Variants in SPOCK1 observed in about 807,000 individuals in gnomAD.
SPOCK1 encodes SPARC (osteonectin), cwcv and kazal like domains proteoglycan 1.
A neutral mutation model predicts 55.3 loss-of-function variants in SPOCK1; 23 were observed. The ratio of observed to expected loss-of-function variants is 0.42; its 90% CI spans 0.30 to 0.59. The LOEUF (loss-of-function observed/expected upper bound fraction) is 0.59, where lower values mean the gene tolerates loss of function less well. Among genes scored for constraint, SPOCK1 ranks in the 20% least tolerant of loss-of-function variants. The probability of loss-of-function intolerance (pLI) is 0.22; values close to 1 mark genes in which losing one functional copy is unlikely to be tolerated. For synonymous variants in SPOCK1, 226 were observed against 221.0 expected (o/e 1.02, Z -0.20); for missense variants, 499 against 552.5 (o/e 0.90, Z 0.97).
chr5:137,359,659 T>C (rs780942895), intron 2 of SPOCK1, among the ~76,000 whole-genome samples: 1 of 152,192 alleles, frequency 6.6e-6, no homozygotes, highest in Non-Finnish European at 1.5e-5. Context: ...GAAAAGTCAT[T>C]TTTACTTTTT....
intron 8 of SPOCK1, among the ~76,000 whole-genome samples, chr5:136,987,749 C>T (rs1750871330): frequency 6.6e-6 from 1 of 151,770 alleles, no homozygotes; most frequent in East Asian, 1.9e-4. Context: ...CCGATGTGGG[C>T]CTGTCTCTTC....
chr5:137,167,912 AAGAAT>A (rs1754679289), intron 3 of SPOCK1, among the ~76,000 whole-genome samples: 2 of 152,220 alleles, frequency 1.3e-5, no homozygotes, highest in South Asian at 4.1e-4. Context: ...ATGCATCTTA[AAGAAT>A]TACAAAAGCA....
chr5:137,420,034 T>G (rs1052251338), intron 2 of SPOCK1, among the ~76,000 whole-genome samples: 3 of 152,342 alleles, frequency 2.0e-5, no homozygotes, highest in Admixed American at 6.5e-5. Flanking sequence ...AAAGGCCTTT[T>G]CTGCATCTAT....
intron 6 of SPOCK1, among the ~76,000 whole-genome samples, chr5:137,049,257 C>G (rs1463874886): frequency 9.1e-6 from 1 of 109,980 alleles, no homozygotes; most frequent in Non-Finnish European, 1.9e-5. Flanking sequence ...GTTCCATTCT[C>G]CACATCACTT....
At chr5:137,498,866 C>T (rs1208749755) in intron 1 of SPOCK1, among the ~76,000 whole-genome samples, 1 of 151,754 alleles carries the variant, frequency 6.6e-6, no homozygotes, top group Admixed American at 6.6e-5. Flanking sequence ...TGGTACCCCT[C>T]CCCAGAAGCG....
At chr5:137,226,916 A>G (rs1755957835) in intron 3 of SPOCK1, among the ~76,000 whole-genome samples, 1 of 152,138 alleles carries the variant, frequency 6.6e-6, no homozygotes, top group African/African-American at 2.4e-5. Context: ...TAAAGTACCT[A>G]ATAAAAAATG....
chr5:137,223,271 A>C (rs1028780044), intron 3 of SPOCK1, among the ~76,000 whole-genome samples: 3 of 152,030 alleles, frequency 2.0e-5, no homozygotes, highest in Non-Finnish European at 4.4e-5. Context: ...TAGCCCCTAT[A>C]ATCCAAGGCA....
At chr5:137,388,733 G>A (rs1017789180) in intron 2 of SPOCK1, among the ~76,000 whole-genome samples, 7 of 152,158 alleles carry the variant, frequency 4.6e-5, no homozygotes, top group Non-Finnish European at 8.8e-5. Context: ...AGCTTTTAGC[G>A]CCTCTGCCAG....
intron 2 of SPOCK1, among the ~76,000 whole-genome samples, chr5:137,331,610 GCAGGAATAGGCATGT>G (rs1758184494): frequency 6.6e-6 from 1 of 152,166 alleles, no homozygotes; most frequent in African/African-American, 2.4e-5. Flanking sequence ...GGAAGATGAG[GCAGGAATAGGCATGT>G]CACATGGTGA....
At chr5:137,443,839 C>A (rs1337855732) in intron 2 of SPOCK1, among the ~76,000 whole-genome samples, 2 of 152,194 alleles carry the variant, frequency 1.3e-5, no homozygotes, top group Non-Finnish European at 2.9e-5. Flanking sequence ...CTCTCCCCTG[C>A]CTCCTGAATC....
At chr5:137,033,161 C>T (rs555523233) in intron 6 of SPOCK1, among the ~76,000 whole-genome samples, 2 of 152,278 alleles carry the variant, frequency 1.3e-5, no homozygotes, top group Admixed American at 1.3e-4. Flanking sequence ...TCCCTCGTGG[C>T]GGCCGAAGGC....
At chr5:137,352,533 G>C (rs1750705456) in intron 2 of SPOCK1, among the ~76,000 whole-genome samples, 1 of 152,172 alleles carries the variant, frequency 6.6e-6, no homozygotes, top group South Asian at 2.1e-4. Context: ...TCCCTGGAAG[G>C]ATTAAACCAC....
intron 6 of SPOCK1, among the ~76,000 whole-genome samples, chr5:137,014,936 C>A (rs532811702): frequency 6.6e-6 from 1 of 152,194 alleles, no homozygotes; most frequent in Non-Finnish European, 1.5e-5. Context: ...AGACAAAGGT[C>A]AAGCCCATTT....
At chr5:137,176,930 C>A (rs1330763285) in intron 3 of SPOCK1, among the ~76,000 whole-genome samples, 21 of 152,136 alleles carry the variant, frequency 1.4e-4, no homozygotes, top group Admixed American at 1.4e-3. Flanking sequence ...GTGACTAGGT[C>A]TGAGTACATA....
chr5:137,137,483 C>G (rs73297891), intron 4 of SPOCK1, among the ~76,000 whole-genome samples: 29,006 of 152,122 alleles, frequency 0.19, 2,955 homozygotes, highest in East Asian at 0.35. Context: ...AAGAGGAAGA[C>G]AAGGAAGGCT....
At chr5:137,309,157 T>A (rs1339438508) in intron 2 of SPOCK1, among the ~76,000 whole-genome samples, 2 of 152,196 alleles carry the variant, frequency 1.3e-5, no homozygotes, top group Non-Finnish European at 2.9e-5. Flanking sequence ...AGATCTTCAG[T>A]GTGAAGTGAA....
chr5:137,200,282 A>C (rs575207892), intron 3 of SPOCK1, among the ~76,000 whole-genome samples: 2 of 152,048 alleles, frequency 1.3e-5, no homozygotes, highest in African/African-American at 4.8e-5. Flanking sequence ...CTGCCTCCTC[A>C]CTTCATTCTA....
chr5:137,482,010 T>A (rs1242302111), intron 2 of SPOCK1, among the ~76,000 whole-genome samples: 1 of 151,956 alleles, frequency 6.6e-6, no homozygotes, highest in African/African-American at 2.4e-5. Flanking sequence ...CTCCTACCCA[T>A]GCCTAAGACA....
intron 2 of SPOCK1, among the ~76,000 whole-genome samples, chr5:137,404,333 A>G (rs1187758035): frequency 1.3e-5 from 2 of 152,202 alleles, no homozygotes; most frequent in African/African-American, 4.8e-5. Flanking sequence ...GAATCAGGCA[A>G]TCCAGATGTA....
Sources: gnomAD v4.1 joint callset for allele counts (sites outside exome capture counted in the v4.1 genomes callset) on GRCh38, gnomAD v4.1.1 for gene constraint, MANE v1.5 for transcripts, NCBI Gene and HGNC (gene_info 2026-07-23, HGNC 2026-07-21) for gene names.